Variants in XPR1 observed in about 807,000 individuals in gnomAD.
The protein encoded by XPR1 is xenotropic and polytropic retrovirus receptor 1.
A neutral mutation model predicts 87.5 loss-of-function variants in XPR1; 28 were observed. That is an observed-to-expected ratio of 0.32 (90% CI 0.24 to 0.44). The LOEUF (loss-of-function observed/expected upper bound fraction) is 0.44. XPR1 is among the 20% of genes least tolerant of loss of function. The pLI is 1.00. For missense variants in XPR1, 559 were observed against 862.3 expected, an observed-to-expected ratio of 0.65 and a Z score of 4.41; for synonymous variants, 300 against 306.1, an observed-to-expected ratio of 0.98 and a Z score of 0.21.
At chr1:180,772,709 A>G (rs1334446541) in intron 2 of XPR1, among the ~76,000 whole-genome samples, 1 of 152,226 alleles carries the variant, frequency 6.6e-6, no homozygotes, top group Non-Finnish European at 1.5e-5. Flanking sequence ...GTTTTTCTGC[A>G]CAACCGCTCT....
intron 6 of XPR1, among the ~76,000 whole-genome samples, chr1:180,807,064 A>G (rs564876046): frequency 5.3e-5 from 8 of 152,072 alleles, no homozygotes; most frequent in Admixed American, 3.3e-4. Context: ...AGCCTAATGA[A>G]AGGCATCTAT....
intron 2 of XPR1, among the ~76,000 whole-genome samples, chr1:180,748,398 G>GTCTTTTTTTTTTTT (rs1647362258): frequency 1.8e-5 from 1 of 56,076 alleles, no homozygotes; most frequent in Non-Finnish European, 3.9e-5. Context: ...TATTATTTAT[G>GTCTTTTTTTTTTTT]TCTTTTTTTT....
At chr1:180,879,864 A>G (rs1044984563) in intron 13 of XPR1, among the ~76,000 whole-genome samples, 1 of 152,148 alleles carries the variant, frequency 6.6e-6, no homozygotes, top group African/African-American at 2.4e-5. Flanking sequence ...ACTGCATTGC[A>G]TAAGTCCCTC....
intron 2 of XPR1, among the ~76,000 whole-genome samples, chr1:180,730,795 T>C (rs1429286119): frequency 1.2e-4 from 18 of 151,976 alleles, no homozygotes; most frequent in Admixed American, 1.1e-3. Flanking sequence ...CCTGCATAGC[T>C]AGGACCATAA....
At chr1:180,754,070 T>C (rs1647631885) in intron 2 of XPR1, among the ~76,000 whole-genome samples, 1 of 152,236 alleles carries the variant, frequency 6.6e-6, no homozygotes, top group Admixed American at 6.5e-5. Flanking sequence ...AGTCACTCTC[T>C]CGACACTTGT....
intron 1 of XPR1, among the ~76,000 whole-genome samples, chr1:180,640,381 G>T (rs191294847): frequency 1.6e-4 from 24 of 152,340 alleles, no homozygotes; most frequent in African/African-American, 4.6e-4. Context: ...TTTCTAGATG[G>T]TGGAGACTGA....
In XPR1 at chr1:180,825,068, G is replaced by A. The variant is rs571981118; in HGVS notation, c.955-97G>A. 1.1e-5 allele frequency: 17 copies of A among 1,500,462 alleles called. No homozygotes were observed. The South Asian group carries it at 2.3e-4, about 21-fold the overall frequency. The allele number at this position is 1,500,462 out of a possible 1,614,324, so 92.9% of individuals were successfully genotyped here. On this transcript the variant is annotated intron_variant, in intron 8 of 14. Transcript: ENST00000367590. The stretch of plus-strand genomic sequence containing the variant: ...GATTATTAGCTTAATAACTAATCAT[G>A]TTTCTTACTTTTGTTTTATTAAAGA...
Position 180,824,846 on chromosome 1 carries a change from G to C in XPR1, c.857G>C (p.Gly286Ala). 6.2e-7 allele frequency: 1 copy of C among 1,613,996 alleles called. No homozygotes were observed. The highest frequency in any genetic ancestry group is 8.5e-7 in the Non-Finnish European group (1 of 1,179,978). Residue 286 changes from glycine (G) to alanine (A), a missense_variant, in exon 8 of 15, where the codon GGC becomes GCC. Gly to Ala is a moderately conservative substitution (Grantham distance 60, BLOSUM62 0). Transcript: ENST00000367590. ...CTGATTGAATTCCTTTTTCTACTGG[G>C]CATCAACACGTATGGTTGGAGACAG... ...FLLIEFLFLL[G>A]INTYGWRQAG...
At chr1:180,661,397 GT>G (rs2101919177) in intron 1 of XPR1, among the ~76,000 whole-genome samples, 1 of 151,158 alleles carries the variant, frequency 6.6e-6, no homozygotes, top group Admixed American at 6.6e-5. Context: ...TTGTTTTCTG[GT>G]AGTCTCTTCC....
rs1355424832 is a variant in XPR1, at chr1:180,673,662, T to C, written c.70-8698T>C. On this transcript the variant is annotated intron_variant, in intron 1 of 14. Transcript: ENST00000367590. Reference sequence around the variant, plus strand: ...TAGGAGTACGACCCCTATTGTGAACTGTGCACGCAAGGGATCTAGGTTGTG... The same window carrying C: ...TAGGAGTACGACCCCTATTGTGAACCGTGCACGCAAGGGATCTAGGTTGTG... Among the ~76,000 whole-genome samples the C allele has an allele frequency of 4.6e-5, 7 of 152,222 alleles. 1 individual carries two copies. Among genetic ancestry groups the C allele is most frequent in the African/African-American group, 1.2e-4 (5 of 41,446 alleles).
chr1:180,644,434 A>G (rs544358488), intron 1 of XPR1, among the ~76,000 whole-genome samples: 4 of 146,904 alleles, frequency 2.7e-5, no homozygotes, highest in Middle Eastern at 3.5e-3. Flanking sequence ...TAACGTTAAT[A>G]CTACTGATAC....
At chr1:180,789,602 G>A (rs941574895) in intron 3 of XPR1, among the ~76,000 whole-genome samples, 5 of 146,902 alleles carry the variant, frequency 3.4e-5, no homozygotes, top group East Asian at 2.0e-4. Context: ...CTTTTTTTTT[G>A]GAGAATGGGG....
chr1:180,745,845 G>A (rs551628945), intron 2 of XPR1, among the ~76,000 whole-genome samples: 2 of 152,110 alleles, frequency 1.3e-5, no homozygotes, highest in Non-Finnish European at 2.9e-5. Flanking sequence ...ATTTTGTTTA[G>A]GTTTTATGGA....
chr1:180,811,193 G>A (rs949373937), intron 6 of XPR1, among the ~76,000 whole-genome samples: 4 of 151,918 alleles, frequency 2.6e-5, no homozygotes, highest in Non-Finnish European at 5.9e-5. Flanking sequence ...TCATGACACA[G>A]ATTTCTATAA....
intron 11 of XPR1, among the ~76,000 whole-genome samples, chr1:180,844,671 G>A (rs982437943): frequency 6.6e-6 from 1 of 152,212 alleles, no homozygotes; most frequent in Non-Finnish European, 1.5e-5. Flanking sequence ...GGACTAGGCT[G>A]GGCTCGGCTG....
rs1477830494 is a variant in XPR1 at position 180,880,249 on chromosome 1, G to A, written c.1982G>A (p.Trp661Ter). The change falls in exon 14 of 15, where the codon TGG becomes TAG. Residue 661 changes from tryptophan to a stop codon, truncating the protein, a stop_gained. Transcript: ENST00000367590. LOFTEE classifies it high-confidence loss of function. ...CGAAACCGCCAGAAGAATCGGTCAT[G>A]GAAGTACAACCAGAGCATATCCCTG... ...GVRNRQKNRS[W>*]KYNQSISLRR... is the part of the protein sequence containing the mutation. 10 of 1,614,082 alleles carry A rather than the reference G, an allele frequency of 6.2e-6. No homozygotes were observed. Among genetic ancestry groups the A allele is most frequent in the Non-Finnish European group, 8.5e-6 (10 of 1,180,044 alleles).
chr1:180,799,760 C>T (rs1649713031), intron 3 of XPR1, among the ~76,000 whole-genome samples: 1 of 152,172 alleles, frequency 6.6e-6, no homozygotes, highest in African/African-American at 2.4e-5. Flanking sequence ...CTAGTCTCTG[C>T]TGCCTGGTGA....
intron 2 of XPR1, among the ~76,000 whole-genome samples, chr1:180,688,761 T>C (rs1184671970): frequency 3.9e-5 from 6 of 152,194 alleles, no homozygotes; most frequent in Non-Finnish European, 7.3e-5. Flanking sequence ...AAGTGAAATA[T>C]CTTTTACCTT....
chr1:180,766,814 G>T (rs1205665317), intron 2 of XPR1, among the ~76,000 whole-genome samples: 1 of 152,032 alleles, frequency 6.6e-6, no homozygotes, highest in Non-Finnish European at 1.5e-5. Context: ...TACATTTGGG[G>T]TGAAATAGTG....
Sources: allele counts gnomAD v4.1 joint callset (sites outside exome capture counted in the v4.1 genomes callset), GRCh38; gene constraint gnomAD v4.1.1; transcripts MANE v1.5; gene names NCBI Gene and HGNC (gene_info 2026-07-23, HGNC 2026-07-21).